The following NHSL1 variants were observed in gnomAD, a reference collection of about 807,000 sequenced individuals.
NHSL1 encodes NHS-like protein 1.
Under a neutral mutation model 95.0 loss-of-function variants are expected in NHSL1, and 48 were observed. The ratio of observed to expected loss-of-function variants is 0.51; its 90% CI spans 0.40 to 0.64. The LOEUF (loss-of-function observed/expected upper bound fraction) is 0.64, where lower values mean the gene tolerates loss of function less well. Ranked by LOEUF, NHSL1 falls within the 30% of genes least tolerant of loss-of-function variation. NHSL1 has a pLI of 0.00. For synonymous variants in NHSL1, 783 were observed against 833.9 expected, an observed-to-expected ratio of 0.94 and a Z score of 1.05; for missense variants, 1,971 against 2,077.7, an observed-to-expected ratio of 0.95 and a Z score of 1.00.
intron 1 of NHSL1, among the ~76,000 whole-genome samples, chr6:138,666,080 G>T (rs1452390624): frequency 6.6e-6 from 1 of 152,172 alleles, no homozygotes; most frequent in Non-Finnish European, 1.5e-5. Context: ...AAGGCGGGCG[G>T]ATCACCTGAA....
chr6:138,686,931 T>C (rs1249323171), intron 1 of NHSL1, among the ~76,000 whole-genome samples: 1 of 152,140 alleles, frequency 6.6e-6, no homozygotes, highest in South Asian at 2.1e-4. Flanking sequence ...AGGAATCACC[T>C]CGCCTCCTTA....
chr6:138,656,090 G>A (rs1480462800), intron 1 of NHSL1, among the ~76,000 whole-genome samples: 1 of 152,214 alleles, frequency 6.6e-6, no homozygotes, highest in Non-Finnish European at 1.5e-5. Context: ...AAACCCATGT[G>A]ACAAAGACAC....
rs752515695 is a variant in NHSL1, at chr6:138,424,225, C to A, written c.4677G>T (p.Glu1559Asp). Residue 1559 changes from glutamate (E) to aspartate (D), a missense_variant, in exon 8 of 8, where the codon GAG (glutamate) becomes GAT (aspartate). By Grantham distance (45) the Glu-to-Asp change is conservative (BLOSUM62 2). Coordinates refer to ENST00000343505, the MANE Select transcript of NHSL1 (RefSeq NM_001144060.2). The surrounding 1 kb of genome is among the most constrained non-coding windows in gnomAD (Gnocchi z 5.9). ...GCSLDGLARE[E>D]MDEGGLLCGE... The stretch of plus-strand genomic sequence containing the variant: ...CACAGAGCAGGCCGCCCTCGTCCAT[C>A]TCCTCCCTCGCCAGTCCGTCCAGGG... 1.3e-6 allele frequency: 2 copies of A among 1,506,652 alleles called. No individual in the cohort carries two copies. Among genetic ancestry groups the A allele is most frequent in the African/African-American group, 1.4e-5 (1 of 71,706 alleles). 93.3% of individuals were successfully genotyped at this position (1,506,652 alleles called of 1,614,324 possible). A position where few individuals can be genotyped will look rare whatever the true frequency, so the allele number is the denominator to read the frequency against.
chr6:138,495,839 C>T (rs946340355), intron 2 of NHSL1, among the ~76,000 whole-genome samples: 12 of 152,090 alleles, frequency 7.9e-5, no homozygotes, highest in Admixed American at 1.3e-4. Flanking sequence ...GTGAAAGGCA[C>T]GTCTTATATG....
chr6:138,591,206 G>A (rs1465412867), intron 1 of NHSL1, among the ~76,000 whole-genome samples: 1 of 152,158 alleles, frequency 6.6e-6, no homozygotes, highest in Admixed American at 6.5e-5. Flanking sequence ...TATCAAGGGG[G>A]GAAACACTGG....
chr6:138,528,999 T>C (rs906048267), intron 1 of NHSL1, among the ~76,000 whole-genome samples: 1 of 152,038 alleles, frequency 6.6e-6, no homozygotes, highest in African/African-American at 2.4e-5. Context: ...CTTGGAAAAA[T>C]TGAGAATGAG....
At chr6:138,439,200 A>G (rs1334900360) in intron 5 of NHSL1, among the ~76,000 whole-genome samples, 1 of 152,152 alleles carries the variant, frequency 6.6e-6, no homozygotes, top group East Asian at 1.9e-4. Context: ...CTCTGGTTAG[A>G]TTTTTTTAAA....
At chr6:138,571,998 G>T in exon 1 of NHSL1, 2 of 1,078,152 alleles carry the variant, frequency 1.9e-6, no homozygotes, top group Non-Finnish European at 1.3e-6. Context: ...CTCTCCACGA[G>T]CCTGCTGTTT....
At chr6:138,685,132 A>C (rs1195042427) in intron 1 of NHSL1, among the ~76,000 whole-genome samples, 1 of 152,104 alleles carries the variant, frequency 6.6e-6, no homozygotes, top group South Asian at 2.1e-4. Flanking sequence ...TTCATTTGCT[A>C]TTCTCGATTT....
chr6:138,432,120 A>T lies in NHSL1; in HGVS notation c.2225T>A (p.Val742Asp). The change falls in exon 6 of 8, where the codon GTT (valine) becomes GAT (aspartate). Residue 742 changes from valine (V) to aspartate (D), a missense_variant. Val to Asp is a radical substitution (Grantham distance 152). Coordinates refer to ENST00000343505, the MANE Select transcript of NHSL1 (RefSeq NM_001144060.2). This position sits in a 1 kb window ranked among gnomAD's most constrained non-coding sequence, Gnocchi z 4.4. ...WLPRSRSQST[V>D]SAGSSMTSAT... ...GGAAGTCATGCTGCTGCCAGCACTA[A>T]CTGTGCTCTGGCTCCGGGAGCGGGG... 1 of 1,550,722 alleles carries T rather than the reference A, an allele frequency of 6.4e-7. No individual in the cohort carries two copies. Among genetic ancestry groups the T allele is most frequent in the Non-Finnish European group, 8.7e-7 (1 of 1,146,330 alleles).
chr6:138,639,364 C>A (rs1261051810), intron 1 of NHSL1, among the ~76,000 whole-genome samples: 1 of 151,532 alleles, frequency 6.6e-6, no homozygotes, highest in Non-Finnish European at 1.5e-5. Context: ...TATGGCTGGG[C>A]GCAATGGCTC....
At chr6:138,460,589 G>T (rs545737419) in intron 3 of NHSL1, among the ~76,000 whole-genome samples, 1 of 151,854 alleles carries the variant, frequency 6.6e-6, no homozygotes, top group South Asian at 2.1e-4. Flanking sequence ...GAGAGGATAT[G>T]TGTAGGTTAT....
In NHSL1 at chr6:138,595,986, C is replaced by T. The variant is rs945700757; in HGVS notation, c.96+96490G>A. 3.3e-5 allele frequency among the ~76,000 whole-genome samples: 5 copies of T among 152,120 alleles called. No homozygotes were observed. In the East Asian group the frequency reaches 5.8e-4, roughly 18 times the overall value. ...TCTCCAACACTGCCCTTCTTCCCAA[C>T]CCCAAGAGAAAAAAAGGCCATAAAC... On this transcript the variant is annotated intron_variant, in intron 1 of 3. Transcript: ENST00000491526.
chr6:138,518,941 C>T (rs923230592), intron 1 of NHSL1, among the ~76,000 whole-genome samples: 7 of 152,096 alleles, frequency 4.6e-5, no homozygotes, highest in Non-Finnish European at 8.8e-5. Context: ...TCACTTGAAC[C>T]GGGGAGGCGG....
intron 1 of NHSL1, among the ~76,000 whole-genome samples, chr6:138,683,845 T>C (rs915210598): frequency 6.6e-6 from 1 of 152,228 alleles, no homozygotes; most frequent in African/African-American, 2.4e-5. Flanking sequence ...CACAGAGCCA[T>C]TGTACATATT....
At chr6:138,674,185 T>TA (rs1214171355) in intron 1 of NHSL1, among the ~76,000 whole-genome samples, 1 of 152,152 alleles carries the variant, frequency 6.6e-6, no homozygotes, top group Non-Finnish European at 1.5e-5. Flanking sequence ...CTTTATTAGG[T>TA]AAAAATTCTC....
At chr6:138,544,468 A>G (rs1321712230) in intron 1 of NHSL1, among the ~76,000 whole-genome samples, 2 of 152,024 alleles carry the variant, frequency 1.3e-5, no homozygotes, top group African/African-American at 2.4e-5. Context: ...TGCACCTACT[A>G]TATAAAGGAA....
chr6:138,626,321 C>T (rs1784737077), intron 1 of NHSL1, among the ~76,000 whole-genome samples: 3 of 152,144 alleles, frequency 2.0e-5, no homozygotes, highest in South Asian at 4.1e-4. Flanking sequence ...AGTCTCTTCC[C>T]TCGCAAAGCA....
rs1482361509 is a variant in NHSL1, at chr6:138,433,459, C to T, written c.886G>A (p.Gly296Ser). 1.3e-6 allele frequency: 2 copies of T among 1,552,160 alleles called. No homozygotes were observed. Among genetic ancestry groups the T allele is most frequent in the African/African-American group, 1.4e-5 (1 of 73,044 alleles). Residue 296 changes from glycine to serine, a missense_variant, in exon 6 of 8, where the codon GGT becomes AGT. Physicochemically the swap from Gly to Ser is moderately conservative, Grantham distance 56 (BLOSUM62 0). Coordinates refer to ENST00000343505, the MANE Select transcript of NHSL1 (RefSeq NM_001144060.2). ...AGCACAGACATGTTGCCAGAGGAAC[C>T]TGAGAAGTGGCCCATCTGGGCAGCA... ...GIAAQMGHFS[G>S]SSGNMSVLSD...
Sources: allele counts gnomAD v4.1 joint callset (sites outside exome capture counted in the v4.1 genomes callset), GRCh38; gene constraint gnomAD v4.1.1; non-coding constraint Gnocchi (gnomAD v3.1); transcripts MANE v1.5; gene names NCBI Gene and HGNC (gene_info 2026-07-23, HGNC 2026-07-21).